The following SHISA9 variants were observed in gnomAD, a reference collection of about 807,000 sequenced individuals.
SHISA9 encodes the protein shisa family member 9, also known as protein shisa-9.
Under a neutral mutation model 38.0 loss-of-function variants are expected in SHISA9, and 13 were observed. The observed-to-expected ratio is 0.34, with a 90% CI of 0.22 to 0.54. SHISA9 has a LOEUF of 0.54. Ranked by LOEUF, SHISA9 falls within the 20% of genes least tolerant of loss-of-function variation. SHISA9 has a pLI of 0.91. For missense variants in SHISA9, 538 were observed against 575.8 expected (o/e 0.93, Z 0.67); for synonymous variants, 275 against 242.0 (o/e 1.14, Z -1.27).
At chr16:13,267,364 T>A in the SHISA9 span, among the ~76,000 whole-genome samples, 1 of 152,128 alleles carries the variant, frequency 6.6e-6, no homozygotes, top group Non-Finnish European at 1.5e-5. Context: ...AGCTGGCAAA[T>A]GTATAACATT....
At chr16:13,416,912 G>C in the SHISA9 span, among the ~76,000 whole-genome samples, 1 of 151,820 alleles carries the variant, frequency 6.6e-6, no homozygotes, top group African/African-American at 2.4e-5. Flanking sequence ...GAAAGGCAGA[G>C]AAAGAAAAAG....
At chr16:13,415,498 T>A in the SHISA9 span, among the ~76,000 whole-genome samples, 2 of 152,164 alleles carry the variant, frequency 1.3e-5, no homozygotes, top group Non-Finnish European at 2.9e-5. Flanking sequence ...TTAGACTTAA[T>A]ACCTGGGTGA....
chr16:13,543,377 C>G, the SHISA9 span, among the ~76,000 whole-genome samples: 2 of 152,106 alleles, frequency 1.3e-5, no homozygotes, highest in Admixed American at 6.6e-5. Flanking sequence ...AGACCTTGAA[C>G]AAATATTTGA....
the SHISA9 span, among the ~76,000 whole-genome samples, chr16:13,547,353 AT>A: frequency 6.6e-6 from 1 of 152,202 alleles, no homozygotes; most frequent in Non-Finnish European, 1.5e-5. Context: ...ACCAATAACT[AT>A]ATAGAGATTT....
chr16:13,332,740 A>G, the SHISA9 span, among the ~76,000 whole-genome samples: 2 of 152,198 alleles, frequency 1.3e-5, no homozygotes, highest in Non-Finnish European at 1.5e-5. Flanking sequence ...TGACCCCAGG[A>G]GGACTCTCAG....
At chr16:13,442,970 GCTGA>G in the SHISA9 span, among the ~76,000 whole-genome samples, 3 of 152,068 alleles carry the variant, frequency 2.0e-5, no homozygotes, top group African/African-American at 7.3e-5. Context: ...TAGGTTGGCA[GCTGA>G]CTGTTTCCTA....
the SHISA9 span, among the ~76,000 whole-genome samples, chr16:13,360,253 C>G: frequency 1.3e-5 from 2 of 152,238 alleles, no homozygotes; most frequent in African/African-American, 4.8e-5. Flanking sequence ...CTAAATTTTG[C>G]TGCAGCTGAT....
intron 4 of SHISA9, among the ~76,000 whole-genome samples, chr16:13,226,790 A>G (rs1381625070): frequency 1.3e-5 from 2 of 152,158 alleles, no homozygotes; most frequent in Non-Finnish European, 1.5e-5. Flanking sequence ...GTTGTGTTGA[A>G]CAGGGGTAAC....
At chr16:12,985,241 G>GTAAATAAATAAATAAA (rs3075032) in intron 2 of SHISA9, among the ~76,000 whole-genome samples, 5 of 148,968 alleles carry the variant, frequency 3.4e-5, no homozygotes, top group East Asian at 2.0e-4. Flanking sequence ...AAATAAATAA[G>GTAAATAAATAAATAAA]TAAATAAATA....
intron 4 of SHISA9, among the ~76,000 whole-genome samples, chr16:13,228,449 C>T (rs2550560): frequency 0.17 from 25,981 of 152,144 alleles, 2,517 homozygotes; most frequent in Admixed American, 0.3. Context: ...GGATGCTTAA[C>T]TCATAATTTA....
chr16:13,313,657 CAT>C, the SHISA9 span, among the ~76,000 whole-genome samples: 3 of 152,028 alleles, frequency 2.0e-5, no homozygotes, highest in African/African-American at 7.3e-5. Flanking sequence ...TCTGTAATAA[CAT>C]AGAAAAATAT....
At chr16:13,110,639 A>G (rs2073969387) in intron 2 of SHISA9, among the ~76,000 whole-genome samples, 1 of 152,206 alleles carries the variant, frequency 6.6e-6, no homozygotes, top group African/African-American at 2.4e-5. Context: ...AGACTCGGAA[A>G]CAGTCATCTG....
chr16:13,445,797 C>T, the SHISA9 span, among the ~76,000 whole-genome samples: 1 of 152,130 alleles, frequency 6.6e-6, no homozygotes, highest in African/African-American at 2.4e-5. Flanking sequence ...TTACCACTTA[C>T]CAGTTATGTG....
At chr16:13,337,309 C>T in the SHISA9 span, among the ~76,000 whole-genome samples, 2 of 152,144 alleles carry the variant, frequency 1.3e-5, no homozygotes, top group Admixed American at 6.5e-5. Context: ...GAATAAGTCT[C>T]ACGAGATCTG....
rs55727441 is a variant in SHISA9 at position 13,121,832 on chromosome 16, T to TACACACAC, written c.692-81518_692-81511dup. Among the ~76,000 whole-genome samples, 208 of 134,572 alleles carry TACACACAC rather than the reference T, an allele frequency of 1.5e-3. 1 individual carries two copies. Among genetic ancestry groups the TACACACAC allele is most frequent in the Middle Eastern group, 3.8e-3 (1 of 260 alleles). 88.3% of individuals were successfully genotyped at this position (134,572 alleles called of 152,430 possible). Reference sequence around the variant, plus strand: ...ACAACATTAAACACCTATACACACATACACACACACACACACACACACACA... The same window carrying TACACACAC: ...ACAACATTAAACACCTATACACACATACACACACACACACACACACACACACACACACA... On this transcript the variant is annotated intron_variant, in intron 2 of 4. Transcript: ENST00000558583.
the SHISA9 span, among the ~76,000 whole-genome samples, chr16:13,476,738 G>GTGTTTTTTTTTTTT: frequency 1.5e-5 from 1 of 65,182 alleles, no homozygotes; most frequent in African/African-American, 5.5e-5. Context: ...CCTGTTTTGT[G>GTGTTTTTTTTTTTT]TTTTTTTTTT....
At chr16:12,974,419 A>C (rs2072127039) in intron 2 of SHISA9, among the ~76,000 whole-genome samples, 1 of 151,838 alleles carries the variant, frequency 6.6e-6, no homozygotes. Context: ...ATAGTTTCTA[A>C]AAATTAAGAA....
intron 3 of SHISA9, chr16:13,204,911 A>G (rs1402905620): frequency 6.6e-6 from 1 of 152,198 alleles, no homozygotes; most frequent in East Asian, 1.9e-4. Context: ...TCATTCTTCA[A>G]TTTAAACATG....
intron 2 of SHISA9, among the ~76,000 whole-genome samples, chr16:13,124,286 A>T (rs1311512512): frequency 6.6e-6 from 1 of 152,212 alleles, no homozygotes; most frequent in Non-Finnish European, 1.5e-5. Flanking sequence ...TGGGGGGATA[A>T]TGAACAGTCA....
Sources: allele counts gnomAD v4.1 joint callset (sites outside exome capture counted in the v4.1 genomes callset), GRCh38; gene constraint gnomAD v4.1.1; transcripts MANE v1.5; gene names NCBI Gene and HGNC (gene_info 2026-07-23, HGNC 2026-07-21).